The following SLC36A4 variants were observed in gnomAD, a reference collection of about 807,000 sequenced individuals.
SLC36A4 encodes the protein neutral amino acid uniporter 4.
Under a neutral mutation model 50.5 loss-of-function variants are expected in SLC36A4, and 49 were observed. The observed-to-expected ratio is 0.97, with a 90% CI of 0.77 to 1.23. The LOEUF (loss-of-function observed/expected upper bound fraction) is 1.23, where lower values mean the gene tolerates loss of function less well. Ranked by LOEUF, SLC36A4 falls within the 50% of genes most tolerant of loss-of-function variation. SLC36A4 has a pLI of 0.00. For missense variants in SLC36A4, 611 were observed against 608.4 expected (o/e 1.00, Z -0.05); for synonymous variants, 207 against 206.5 (o/e 1.00, Z -0.02).
At chr11:93,184,636 C>T (rs1001532358) in intron 2 of SLC36A4, 116 bp from the exon 3 acceptor site, 3 of 633,568 alleles carry the variant, frequency 4.7e-6, no homozygotes, top group Non-Finnish European at 8.2e-6. Context: ...AACCAAATAA[C>T]ATTTCCATCC....
intron 2 of SLC36A4, 51 bp from the exon 3 acceptor site, chr11:93,184,571 T>A: frequency 9.1e-7 from 1 of 1,094,928 alleles, no homozygotes; most frequent in Non-Finnish European, 1.4e-6. Context: ...AAATCTATTA[T>A]AACATGATCA....
intron 6 of SLC36A4, chr11:93,171,213 T>C (rs1044963048): frequency 6.6e-6 from 1 of 152,084 alleles, no homozygotes; most frequent in African/African-American, 2.4e-5. Context: ...AGAGAATCAC[T>C]TTTTCTACCT....
intron 6 of SLC36A4, among the ~76,000 whole-genome samples, chr11:93,172,178 ACTACAGG>A (rs981283193): frequency 3.3e-5 from 5 of 152,278 alleles, no homozygotes; most frequent in Admixed American, 6.5e-5. Flanking sequence ...AGAAAGAAAA[ACTACAGG>A]CTGGCTAAAA....
At chr11:93,159,912 T>C (rs1316465924) in intron 9 of SLC36A4, 3 of 985,406 alleles carry the variant, frequency 3.0e-6, no homozygotes, top group Non-Finnish European at 2.4e-6. Context: ...CAGCTTTTCA[T>C]AGCTAGTAGC....
intron 8 of SLC36A4, among the ~76,000 whole-genome samples, chr11:93,165,269 AT>A: frequency 6.6e-6 from 1 of 152,240 alleles, no homozygotes; most frequent in South Asian, 2.1e-4. Flanking sequence ...GCAAGATTCT[AT>A]TTTCCCCAAG....
At chr11:93,192,056 T>G (rs1035585265) in intron 1 of SLC36A4, among the ~76,000 whole-genome samples, 20 of 152,158 alleles carry the variant, frequency 1.3e-4, no homozygotes, top group African/African-American at 4.8e-4. Flanking sequence ...AAAAAAATCC[T>G]GCCTTCATGG....
At position 93,148,753 on chromosome 11, in the gene SLC36A4, A is replaced by G. The variant is rs753807458; in HGVS notation, c.1299T>C (p.Pro433=). 6.2e-7 allele frequency: 1 copy of G among 1,613,012 alleles called. No individual in the cohort carries two copies. The highest frequency in any genetic ancestry group is 1.7e-4 in the Middle Eastern group (1 of 6,052). ...TCGAAAATGTAAGAATTTCAACCAA[A>G]GGTGGCAGGATTAGGGCCAATGTGC... ...SSSTLALILP[P]LVEILTFSKE... Residue 433 remains proline (P), a synonymous_variant, in exon 11 of 11, where the codon CCT becomes CCC. Transcript: ENST00000326402.
At chr11:93,156,570 C>G (rs572881441) in intron 9 of SLC36A4, among the ~76,000 whole-genome samples, 2 of 152,010 alleles carry the variant, frequency 1.3e-5, no homozygotes, top group African/African-American at 4.8e-5. Context: ...CAGGCGCCTG[C>G]CACCACACCT....
chr11:93,148,410 T>G lies in SLC36A4; in HGVS notation c.*127A>C. 1.2e-6 allele frequency: 1 copy of G among 869,076 alleles called. No individual in the cohort carries two copies. The highest frequency in any genetic ancestry group is 2.5e-5 in the Admixed American group (1 of 40,362). The allele number at this position is 869,076 out of a possible 1,614,324, so 53.8% of individuals were successfully genotyped here. On this transcript the variant is annotated 3_prime_UTR_variant, in exon 11 of 11. Transcript: ENST00000326402. ...TAAAGAGTTATGATTACTTCCAAAA[T>G]ATTAATATCGTGCCAAAGAAAACAG...
chr11:93,168,267 C>CCTG, intron 6 of SLC36A4, 96 bp from the exon 7 acceptor site: 1 of 566,652 alleles, frequency 1.8e-6, no homozygotes, highest in Non-Finnish European at 3.0e-6. Context: ...AACATATACA[C>CCTG]TCTACAATAA....
At chr11:93,187,629 CCTATTT>C (rs1862045901) in intron 1 of SLC36A4, among the ~76,000 whole-genome samples, 1 of 152,064 alleles carries the variant, frequency 6.6e-6, no homozygotes, top group African/African-American at 2.4e-5. Flanking sequence ...TGTGATTTTT[CCTATTT>C]CTAAGTATTT....
At chr11:93,177,304 C>A (rs1433390755) in intron 6 of SLC36A4, among the ~76,000 whole-genome samples, 2 of 152,160 alleles carry the variant, frequency 1.3e-5, no homozygotes, top group Non-Finnish European at 2.9e-5. Context: ...TCCATCAGGT[C>A]ATTTAAGGTC....
chr11:93,148,362 T>A lies in SLC36A4; in HGVS notation c.*175A>T. On this transcript the variant is annotated 3_prime_UTR_variant, in exon 11 of 11. Transcript: ENST00000326402. ...TTGCTAACACTTAAAAGCAAGGATT[T>A]TTCATAGGTTTACCACTACTGGTAA... 1 of 544,464 alleles carries A rather than the reference T, an allele frequency of 1.8e-6. No homozygotes were observed. Among genetic ancestry groups the A allele is most frequent in the Middle Eastern group, 5.2e-4 (1 of 1,916 alleles). 33.7% of individuals were successfully genotyped at this position (544,464 alleles called of 1,614,324 possible). A position where few individuals can be genotyped will look rare whatever the true frequency, so the allele number is the denominator to read the frequency against.
chr11:93,160,499 T>C (rs1490230733), intron 9 of SLC36A4: 12 of 985,376 alleles, frequency 1.2e-5, no homozygotes, highest in Non-Finnish European at 1.3e-5. Context: ...TAAGGTCAGA[T>C]GTAGAAAGGG....
intron 10 of SLC36A4, among the ~76,000 whole-genome samples, chr11:93,151,688 T>C (rs925123516): frequency 1.3e-5 from 2 of 152,112 alleles, no homozygotes; most frequent in African/African-American, 4.8e-5. Context: ...TATAAAGTCA[T>C]AGTCTACTAT....
intron 3 of SLC36A4, 84 bp from the exon 4 acceptor site, chr11:93,182,978 C>G (rs1411642470): frequency 1.1e-6 from 1 of 904,360 alleles, no homozygotes; most frequent in South Asian, 1.6e-5. Context: ...GGATTATTCA[C>G]GTGCAGTGAA....
rs1399259337 is a variant in SLC36A4, at chr11:93,162,817, A to G, written c.926T>C (p.Ile309Thr). ...ESKRFPQALN[I>T]GMGIVTTLYV... ...CAAAGTTGTAACAATCCCCATGCCA[A>G]TATTCAACGCTTGAGGGAAACGCTT... The change falls in exon 9 of 11, where the codon ATT becomes ACT. Residue 309 changes from isoleucine to threonine, a missense_variant. Coordinates refer to ENST00000326402, the MANE Select transcript of SLC36A4 (RefSeq NM_152313.4). 3 of 1,613,740 alleles carry G rather than the reference A, an allele frequency of 1.9e-6. No homozygotes were observed. Among genetic ancestry groups the G allele is most frequent in the East Asian group, 4.5e-5 (2 of 44,824 alleles).
chr11:93,184,196 T>C (rs1861874750), intron 3 of SLC36A4, among the ~76,000 whole-genome samples: 1 of 152,064 alleles, frequency 6.6e-6, no homozygotes, highest in Non-Finnish European at 1.5e-5. Context: ...TTTAGGTTTG[T>C]GGCTTTTTTT....
chr11:93,178,889 A>T (rs1861612149), intron 6 of SLC36A4, among the ~76,000 whole-genome samples: 1 of 152,224 alleles, frequency 6.6e-6, no homozygotes. Flanking sequence ...CCAAATTGGT[A>T]AAGAGGAAGT....
Sources: allele counts gnomAD v4.1 joint callset (sites outside exome capture counted in the v4.1 genomes callset), GRCh38; gene constraint gnomAD v4.1.1; transcripts MANE v1.5; gene names NCBI Gene and HGNC (gene_info 2026-07-23, HGNC 2026-07-21).